LAMTOR1: variants seen among roughly 807,000 people sequenced by gnomAD.
The protein encoded by LAMTOR1 is ragulator complex protein LAMTOR1.
LAMTOR1 carries 8 observed loss-of-function variants against 20.5 expected under a neutral mutation model. The ratio of observed to expected loss-of-function variants is 0.39; its 90% confidence interval spans 0.23 to 0.70. The LOEUF (loss-of-function observed/expected upper bound fraction) is 0.70. Among genes scored for constraint, LAMTOR1 ranks in the 30% least tolerant of loss-of-function variants. The pLI is 0.43. For missense variants in LAMTOR1, 135 were observed against 206.2 expected, an observed-to-expected ratio of 0.65 and a Z score of 2.11; for synonymous variants, 77 against 80.9, an observed-to-expected ratio of 0.95 and a Z score of 0.26.
intron 1 of LAMTOR1, chr11:72,100,873 C>A (rs1945412363): frequency 6.6e-6 from 1 of 152,350 alleles, no homozygotes; most frequent in Admixed American, 6.5e-5. Flanking sequence ...GAGACAGAAG[C>A]TGTGGGCTTT....
intron 2 of LAMTOR1, 88 bp downstream of exon 2, chr11:72,099,023 C>A: frequency 6.5e-7 from 1 of 1,539,640 alleles, no homozygotes; most frequent in East Asian, 2.3e-5. Context: ...CTTGTCCCAT[C>A]CCCCATGTCC....
intron 2 of LAMTOR1, 26 bp from the exon 3 acceptor site, chr11:72,098,884 C>T (rs1204538841): frequency 1.3e-6 from 2 of 1,525,888 alleles, no homozygotes; most frequent in South Asian, 2.5e-5. Context: ...ACAGAGATGA[C>T]ATGACAGGTG....
intron 1 of LAMTOR1, among the ~76,000 whole-genome samples, chr11:72,102,462 C>A (rs960741634): frequency 6.6e-6 from 1 of 152,216 alleles, no homozygotes; most frequent in Non-Finnish European, 1.5e-5. Flanking sequence ...CAGCCAAATT[C>A]TCAGAATAGG....
Position 72,103,293 on chromosome 11 carries a change from C to G in LAMTOR1, c.-69G>C. 1 of 1,519,076 alleles carries G rather than the reference C, an allele frequency of 6.6e-7. No individual in the cohort carries two copies. The highest frequency in any genetic ancestry group is 1.2e-5 in the South Asian group (1 of 80,626). 94.1% of individuals were successfully genotyped at this position (1,519,076 alleles called of 1,614,324 possible). ...GGCGTCCGTGAGGAGCCCTTCCGGTCACATGACCCGCGGCGGCCTCCCGCA... is the reference window on the plus strand; with the variant it reads ...GGCGTCCGTGAGGAGCCCTTCCGGTGACATGACCCGCGGCGGCCTCCCGCA... On this transcript the variant is annotated 5_prime_UTR_variant, in exon 1 of 5. An upstream open reading frame in the 5' UTR loses its in-frame stop. Transcript: ENST00000278671.
chr11:72,099,348 A>T (rs774602878), intron 1 of LAMTOR1, 92 bp from the exon 2 acceptor site: 154 of 1,376,218 alleles, frequency 1.1e-4, no homozygotes, highest in Non-Finnish European at 1.4e-4. Flanking sequence ...GACCTTAAAC[A>T]CCAAAAATGT....
chr11:72,102,891 G>C (rs1489973033), intron 1 of LAMTOR1, among the ~76,000 whole-genome samples: 1 of 152,354 alleles, frequency 6.6e-6, no homozygotes, highest in South Asian at 2.1e-4. Context: ...CGGGGACCTA[G>C]ACTGAGGATC....
Position 72,102,130 on chromosome 11 carries a change from T to TA in LAMTOR1, c.42+1052dup, listed in dbSNP as rs558323362. Among the ~76,000 whole-genome samples, 135 of 152,320 alleles carry TA rather than the reference T, an allele frequency of 8.9e-4. 1 individual carries two copies. Among genetic ancestry groups the TA allele is most frequent in the African/African-American group, 3.2e-3 (132 of 41,580 alleles). ...CTAGGCTTAAGCCCTTAATCCAAAA[T>TA]ACGTTCACTGAAGAACGAACTACTT... is the stretch of plus-strand genomic sequence containing the variant. On this transcript the variant is annotated intron_variant, in intron 1 of 4. Coordinates refer to ENST00000278671, the MANE Select transcript of LAMTOR1 (RefSeq NM_017907.3).
intron 1 of LAMTOR1, among the ~76,000 whole-genome samples, chr11:72,099,972 T>C (rs756531850): frequency 2.6e-5 from 4 of 152,138 alleles, no homozygotes; most frequent in Non-Finnish European, 5.9e-5. Context: ...ATCTGAGCAG[T>C]ACAGCTGTAG....
At chr11:72,098,715 G>T in intron 3 of LAMTOR1, 66 bp downstream of exon 3, 1 of 1,214,446 alleles carries the variant, frequency 8.2e-7, no homozygotes. Context: ...AGGCTCCAAA[G>T]CTGGAACAGT....
At chr11:72,102,862 T>C (rs1404165382) in intron 1 of LAMTOR1, among the ~76,000 whole-genome samples, 3 of 152,232 alleles carry the variant, frequency 2.0e-5, no homozygotes, top group Non-Finnish European at 4.4e-5. Flanking sequence ...CACAGGAAGC[T>C]GGGGAAGGGA....
chr11:72,100,998 G>A (rs1369904371), intron 1 of LAMTOR1, among the ~76,000 whole-genome samples: 2 of 152,196 alleles, frequency 1.3e-5, no homozygotes, highest in African/African-American at 4.8e-5. Context: ...TATTTCTAAG[G>A]AAAGCTGGCT....
At chr11:72,101,137 T>G (rs1945421770) in intron 1 of LAMTOR1, among the ~76,000 whole-genome samples, 1 of 152,260 alleles carries the variant, frequency 6.6e-6, no homozygotes, top group African/African-American at 2.4e-5. Flanking sequence ...GGCTGATCAC[T>G]TCTCAGCCTT....
chr11:72,099,010 G>A (rs974392434), intron 2 of LAMTOR1, 101 bp downstream of exon 2: 20 of 1,497,936 alleles, frequency 1.3e-5, no homozygotes, highest in Non-Finnish European at 1.8e-5. Context: ...TCTCCCCAGT[G>A]ACCTTGTCCC....
chr11:72,103,148 C>A, intron 1 of LAMTOR1, 35 bp downstream of exon 1: 1 of 1,575,302 alleles, frequency 6.3e-7, no homozygotes, highest in East Asian at 2.3e-5. Context: ...AGTGTCTTAG[C>A]CCTCATTCCC....
intron 1 of LAMTOR1, among the ~76,000 whole-genome samples, chr11:72,102,174 A>C (rs1591180793): frequency 6.6e-6 from 1 of 152,210 alleles, no homozygotes; most frequent in Non-Finnish European, 1.5e-5. Context: ...CCAGTGATAT[A>C]ATCTATTTTT....
chr11:72,098,541 T>C, intron 3 of LAMTOR1, 126 bp from the exon 4 acceptor site: 1 of 1,195,532 alleles, frequency 8.4e-7, no homozygotes, highest in South Asian at 1.5e-5. Flanking sequence ...GGAGGGAAGG[T>C]CTCAGCTCAT....
In LAMTOR1 at chr11:72,097,704, T is replaced by G; in HGVS notation, c.*118A>C. 6.4e-7 allele frequency: 1 copy of G among 1,565,848 alleles called. No homozygotes were observed. Among genetic ancestry groups the G allele is most frequent in the Non-Finnish European group, 8.7e-7 (1 of 1,153,800 alleles). On this transcript the variant is annotated 3_prime_UTR_variant, in exon 5 of 5. Coordinates refer to ENST00000278671, the MANE Select transcript of LAMTOR1 (RefSeq NM_017907.3). ...CCTCTTCTCCTCCTTCTTCACATTTTTCTCTGTGATTAGTAGCAGGTTAGG... is the reference window on the plus strand; with the variant it reads ...CCTCTTCTCCTCCTTCTTCACATTTGTCTCTGTGATTAGTAGCAGGTTAGG...
chr11:72,097,479 G>A lies in LAMTOR1; in HGVS notation c.*343C>T. The A allele has an allele frequency of 9.3e-7, 1 of 1,074,640 alleles. No homozygotes were observed. The highest frequency in any genetic ancestry group is 3.0e-5 in the South Asian group (1 of 32,862). The allele number at this position is 1,074,640 out of a possible 1,614,324, so 66.6% of individuals were successfully genotyped here. A position where few individuals can be genotyped will look rare whatever the true frequency, so the allele number is the denominator to read the frequency against. On this transcript the variant is annotated 3_prime_UTR_variant, in exon 5 of 5. Coordinates refer to ENST00000278671, the MANE Select transcript of LAMTOR1 (RefSeq NM_017907.3). The stretch of plus-strand genomic sequence containing the variant: ...AGGGAGAGGGGGCAGGAGTGACTCT[G>A]AGGCCAACAGAGAGGGTGGGAAGGG...
In LAMTOR1 at chr11:72,097,932, C is replaced by G; in HGVS notation, c.394-18G>C. ...CTGGAGACCTGAGACAGAGAGGGGCCGGGGAGGAGAGGAACAGAGACAGGT... is the reference window on the plus strand; with the variant it reads ...CTGGAGACCTGAGACAGAGAGGGGCGGGGGAGGAGAGGAACAGAGACAGGT... On this transcript the variant is annotated intron_variant, in intron 4 of 4. Coordinates refer to ENST00000278671, the MANE Select transcript of LAMTOR1 (RefSeq NM_017907.3). The G allele has an allele frequency of 2.5e-6, 4 of 1,569,410 alleles. No homozygotes were observed. The highest frequency in any genetic ancestry group is 3.5e-6 in the Non-Finnish European group (4 of 1,153,888).
Sources: gnomAD v4.1 joint callset for allele counts (sites outside exome capture counted in the v4.1 genomes callset) on GRCh38, gnomAD v4.1.1 for gene constraint, MANE v1.5 for transcripts, NCBI Gene and HGNC (gene_info 2026-07-23, HGNC 2026-07-21) for gene names.